SNURF: variants seen among roughly 807,000 people sequenced by gnomAD.
SNURF encodes the protein SNRPN upstream open reading frame.
In SNURF, 6 loss-of-function variants were observed where a neutral mutation model predicts 11.6. The ratio of observed to expected loss-of-function variants is 0.52; its 90% CI spans 0.28 to 1.02. The LOEUF is 1.02. Ranked by LOEUF, SNURF falls within the 50% of genes least tolerant of loss-of-function variation. The pLI is 0.09. For missense variants in SNURF, 84 were observed against 88.4 expected, an observed-to-expected ratio of 0.95 and a Z score of 0.20; for synonymous variants, 29 against 31.6, an observed-to-expected ratio of 0.92 and a Z score of 0.27.
downstream of SNURF, among the ~76,000 whole-genome samples, chr15:24,972,959 C>G (rs1024551401): frequency 7.2e-5 from 11 of 152,304 alleles, no homozygotes; most frequent in African/African-American, 2.6e-4. Context: ...GCCATCTCAG[C>G]TCACTGCAAA....
intron 4 of SNURF, among the ~76,000 whole-genome samples, chr15:24,976,075 A>T (rs2077027008): frequency 6.6e-6 from 1 of 152,230 alleles, no homozygotes; most frequent in Admixed American, 6.5e-5. Flanking sequence ...GTTGTAGTGT[A>T]ACATCAAAGG....
chr15:24,961,523 G>T lies in SNURF; in HGVS notation c.15-591G>T, dbSNP rs567958995. On this transcript the variant is annotated intron_variant, in intron 1 of 2. Coordinates refer to ENST00000577949, the Ensembl canonical transcript of SNURF. ...CCCTTGAGCAGCCATTTTATGAGGG[G>T]TTCTGCAGACGTAACATGGCGGGTT... Among the ~76,000 whole-genome samples the T allele has an allele frequency of 2.5e-4, 38 of 152,262 alleles. No homozygotes were observed. The South Asian group carries it at 7.0e-3, about 28-fold the overall frequency.
At chr15:24,974,414 A>C (rs767553112) in intron 3 of SNURF, 10 of 1,609,550 alleles carry the variant, frequency 6.2e-6, no homozygotes, top group Non-Finnish European at 7.7e-6. Context: ...AGAAGCATCA[A>C]GTTTTAACTG....
exon 3 of SNURF, chr15:24,968,054 C>T (rs372124469): frequency 1.1e-4 from 170 of 1,608,662 alleles, no homozygotes; most frequent in Admixed American, 2.0e-4. Context: ...ATTGGAGTAG[C>T]GAGGAATCTG....
At chr15:24,976,165 T>C in intron 4 of SNURF, 3 of 672,886 alleles carry the variant, frequency 4.5e-6, no homozygotes, top group East Asian at 5.4e-5. Flanking sequence ...TTTACAGATA[T>C]TTTTTGGCTT....
At chr15:24,956,316 C>T (rs753147725) in intron 1 of SNURF, among the ~76,000 whole-genome samples, 2 of 145,438 alleles carry the variant, frequency 1.4e-5, no homozygotes, top group Non-Finnish European at 3.0e-5. Context: ...TCAAGATGGC[C>T]GCCGCTGCAG....
At chr15:24,969,454 CAG>C (rs2076125029), downstream of SNURF, among the ~76,000 whole-genome samples, 1 of 152,180 alleles carries the variant, frequency 6.6e-6, no homozygotes, top group Non-Finnish European at 1.5e-5. Context: ...TCAAAGGAGA[CAG>C]AAATTTTCTG....
rs555738866 is a variant in SNURF at position 24,964,466 on chromosome 15, A to AT, written c.110+2264dup. 3.4e-3 allele frequency among the ~76,000 whole-genome samples: 511 copies of AT among 151,890 alleles called. 4 individuals are homozygous for AT. Among genetic ancestry groups the AT allele is most frequent in the African/African-American group, 0.012 (482 of 41,412 alleles). On this transcript the variant is annotated intron_variant, in intron 2 of 2. Transcript: ENST00000577949. ...TGCCACCATGCCTGGCTAATTTTGT[A>AT]TTTTTTTAGTAGAGACAGGGTTTCT... is the stretch of plus-strand genomic sequence containing the variant.
At chr15:24,975,921 GTTCCCA>G (rs2077011313) in intron 4 of SNURF, among the ~76,000 whole-genome samples, 1 of 152,054 alleles carries the variant, frequency 6.6e-6, no homozygotes, top group African/African-American at 2.4e-5. Context: ...GCCTATCACT[GTTCCCA>G]TTATTTCAGT....
chr15:24,969,125 TATTA>T (rs1157025971), downstream of SNURF, among the ~76,000 whole-genome samples: 8 of 152,092 alleles, frequency 5.3e-5, no homozygotes, highest in Admixed American at 2.6e-4. Flanking sequence ...CATTTTGAGT[TATTA>T]ATTAATTTAT....
chr15:24,962,311 A>C, intron 2 of SNURF, 102 bp downstream of exon 2: 1 of 895,194 alleles, frequency 1.1e-6, no homozygotes, highest in South Asian at 1.4e-5. Context: ...ATAATTGAAG[A>C]AGCAGACACA....
At chr15:24,975,260 C>T (rs970070609) in intron 3 of SNURF, 1 of 931,868 alleles carries the variant, frequency 1.1e-6, no homozygotes, top group African/African-American at 1.7e-5. Flanking sequence ...GTTAAGGAAA[C>T]CAGGCTTAGA....
At chr15:24,978,538 C>A, downstream of SNURF, 1 of 1,072,986 alleles carries the variant, frequency 9.3e-7, no homozygotes, top group Non-Finnish European at 1.4e-6. Context: ...CCTCATTCTG[C>A]ATTAATAATA....
intron 1 of SNURF, among the ~76,000 whole-genome samples, chr15:24,958,390 T>C (rs2074165405): frequency 6.6e-6 from 1 of 151,218 alleles, no homozygotes; most frequent in African/African-American, 2.4e-5. Context: ...TGTCTCCTTT[T>C]TTTTTTTTTT....
At chr15:24,973,033 G>A (rs1596321932), downstream of SNURF, among the ~76,000 whole-genome samples, 1 of 151,738 alleles carries the variant, frequency 6.6e-6, no homozygotes, top group African/African-American at 2.4e-5. Flanking sequence ...GATTACAGGC[G>A]CCTGCCACCA....
At chr15:24,972,178 C>T (rs1166327441), downstream of SNURF, among the ~76,000 whole-genome samples, 41 of 151,680 alleles carry the variant, frequency 2.7e-4, no homozygotes, top group Non-Finnish European at 1.2e-4. Flanking sequence ...ACCACTTGAA[C>T]CCGGGAAGTG....
At chr15:24,962,036 C>T (rs2153480376) in intron 1 of SNURF, 78 bp from the exon 2 acceptor site, 1 of 1,183,234 alleles carries the variant, frequency 8.5e-7, no homozygotes, top group Non-Finnish European at 1.3e-6. Flanking sequence ...AAATGTAGTT[C>T]TAAATATAAC....
At chr15:24,955,157 A>T (rs1254382997) in intron 1 of SNURF, 95 bp downstream of exon 1, 14 of 1,534,320 alleles carry the variant, frequency 9.1e-6, no homozygotes, top group Non-Finnish European at 1.2e-5. Flanking sequence ...TGGAGTACTG[A>T]ATAAACGGAA....
downstream of SNURF, among the ~76,000 whole-genome samples, chr15:24,970,399 C>T (rs556000804): frequency 3.6e-4 from 55 of 152,060 alleles, no homozygotes; most frequent in Admixed American, 1.3e-3. Flanking sequence ...GGCCACATGG[C>T]GAAACCCCAT....
Sources: gnomAD v4.1 joint callset for allele counts (sites outside exome capture counted in the v4.1 genomes callset) on GRCh38, gnomAD v4.1.1 for gene constraint, MANE v1.5 for transcripts, NCBI Gene and HGNC (gene_info 2026-07-23, HGNC 2026-07-21) for gene names.